The following HIVEP3 variants were observed in gnomAD, a reference collection of about 807,000 sequenced individuals.
HIVEP3 encodes the protein transcription factor HIVEP3.
A neutral mutation model predicts 152.8 loss-of-function variants in HIVEP3; 49 were observed. The ratio of observed to expected loss-of-function variants is 0.32; its 90% CI spans 0.26 to 0.41. The LOEUF is 0.41. HIVEP3 is among the 10% of genes least tolerant of loss of function. The pLI, the probability that HIVEP3 is intolerant of heterozygous loss-of-function variation, is 1.00. For synonymous variants in HIVEP3, 1,269 were observed against 1,289.0 expected, an observed-to-expected ratio of 0.98 and a Z score of 0.33; for missense variants, 2,790 against 3,103.3, an observed-to-expected ratio of 0.90 and a Z score of 2.40.
At chr1:41,626,465 C>T (rs1442123699) in intron 3 of HIVEP3, among the ~76,000 whole-genome samples, 1 of 152,204 alleles carries the variant, frequency 6.6e-6, no homozygotes, top group Non-Finnish European at 1.5e-5. Flanking sequence ...GCTGGCTGAG[C>T]CCACACGGAC....
chr1:41,991,721 T>C (rs2124517289), intron 1 of HIVEP3, among the ~76,000 whole-genome samples: 1 of 150,950 alleles, frequency 6.6e-6, no homozygotes, highest in East Asian at 1.9e-4. Context: ...ACCAATATCC[T>C]TGATGAACAT....
At chr1:41,667,401 C>T (rs1023554274) in intron 2 of HIVEP3, among the ~76,000 whole-genome samples, 1 of 152,244 alleles carries the variant, frequency 6.6e-6, no homozygotes, top group Admixed American at 6.5e-5. Flanking sequence ...CTGAGACTGC[C>T]TCATTCTGGC....
At chr1:41,688,202 A>T (rs184613828) in intron 2 of HIVEP3, among the ~76,000 whole-genome samples, 27 of 151,370 alleles carry the variant, frequency 1.8e-4, no homozygotes, top group African/African-American at 9.8e-5. Flanking sequence ...CTCTCGTCTG[A>T]CCCCTTCTGT....
At chr1:41,916,597 C>A (rs969681690) in intron 1 of HIVEP3, among the ~76,000 whole-genome samples, 14 of 152,298 alleles carry the variant, frequency 9.2e-5, no homozygotes, top group African/African-American at 2.9e-4. Flanking sequence ...AAAACTCCCA[C>A]AATCTTTAAA....
intron 2 of HIVEP3, among the ~76,000 whole-genome samples, chr1:41,695,531 A>C (rs1646259959): frequency 6.6e-6 from 1 of 152,204 alleles, no homozygotes; most frequent in Non-Finnish European, 1.5e-5. Flanking sequence ...TGCTTCATGC[A>C]GCTCCATTCC....
intron 1 of HIVEP3, among the ~76,000 whole-genome samples, chr1:41,761,990 C>G (rs748614896): frequency 3.3e-5 from 5 of 152,218 alleles, no homozygotes; most frequent in Non-Finnish European, 5.9e-5. Context: ...ATTTGGCGTG[C>G]TTTCCTCTGA....
At position 41,558,199 on chromosome 1, in the gene HIVEP3, C is replaced by T. The variant is rs988318567; in HGVS notation, c.5207+17345G>A. ...TCCTCAGGAGAGGGATGATGCCCCC[C>T]GGCCCAGGCAGCATTGGGAACATTG... On this transcript the variant is annotated intron_variant, in intron 5 of 8. Transcript: ENST00000372583. 2.6e-5 allele frequency among the ~76,000 whole-genome samples: 4 copies of T among 152,284 alleles called. No individual in the cohort carries two copies. The East Asian group carries it at 5.8e-4, about 22-fold the overall frequency.
intron 3 of HIVEP3, among the ~76,000 whole-genome samples, chr1:41,621,060 C>T (rs1645040247): frequency 6.6e-6 from 1 of 152,200 alleles, no homozygotes; most frequent in African/African-American, 2.4e-5. Context: ...CTTGGGTGTT[C>T]CCAATTGCCC....
chr1:41,555,758 A>C (rs1287448415), intron 5 of HIVEP3, among the ~76,000 whole-genome samples: 19 of 152,152 alleles, frequency 1.2e-4, no homozygotes, highest in Admixed American at 1.2e-3. Flanking sequence ...TCCAAACGGA[A>C]ACTTTGTATC....
intron 3 of HIVEP3, among the ~76,000 whole-genome samples, chr1:41,606,990 T>A (rs916744200): frequency 3.3e-5 from 5 of 152,096 alleles, no homozygotes; most frequent in East Asian, 1.9e-4. Context: ...CTTTTTTTTT[T>A]ATTTTTATTT....
At chr1:41,684,731 C>T (rs1227173124) in intron 2 of HIVEP3, among the ~76,000 whole-genome samples, 1 of 152,196 alleles carries the variant, frequency 6.6e-6, no homozygotes, top group African/African-American at 2.4e-5. Flanking sequence ...AGATAATGGC[C>T]AGCCGCAGAC....
rs573824475 is a variant in HIVEP3 at position 41,699,093 on chromosome 1, C to A, written c.-721+1823G>T. Among the ~76,000 whole-genome samples the A allele has an allele frequency of 3.3e-5, 5 of 152,382 alleles. No individual in the cohort carries two copies. In the South Asian group the frequency reaches 1.0e-3, roughly 32 times the overall value. ...ACTCACAGGTGGCTCTAGGCCAGCC[C>A]TGCCCATCAGTTGCCACTCACTCCA... On this transcript the variant is annotated intron_variant, in intron 2 of 8. Coordinates refer to ENST00000372583, the MANE Select transcript of HIVEP3 (RefSeq NM_024503.5).
intron 2 of HIVEP3, among the ~76,000 whole-genome samples, chr1:41,646,145 G>T (rs990874194): frequency 1.3e-5 from 2 of 152,142 alleles, no homozygotes; most frequent in African/African-American, 4.8e-5. Context: ...TTTACTCCTG[G>T]GCTGTATCTC....
In HIVEP3 at chr1:41,931,945, T is replaced by C. The variant is rs567801482; in HGVS notation, n.120-13421A>G. ...TTTTAAATCTTTTTGCCTTTTTTTT[T>C]CTTGCCTTATTGTACTATAGGACTT... On this transcript the variant is annotated intron_variant and non_coding_transcript_variant, in intron 1 of 3. Transcript: ENST00000489103. Among the ~76,000 whole-genome samples, 203 of 152,072 alleles carry C rather than the reference T, an allele frequency of 1.3e-3. 2 individuals are homozygous for C. The highest frequency in any genetic ancestry group is 4.7e-3 in the African/African-American group (196 of 41,546).
At chr1:41,677,649 G>A (rs1645977051) in intron 2 of HIVEP3, among the ~76,000 whole-genome samples, 1 of 152,218 alleles carries the variant, frequency 6.6e-6, no homozygotes, top group African/African-American at 2.4e-5. Context: ...GTTGGCCATG[G>A]GGAAAAGAAG....
intron 2 of HIVEP3, among the ~76,000 whole-genome samples, chr1:41,659,951 T>C (rs369183970): frequency 1.3e-5 from 2 of 152,186 alleles, no homozygotes; most frequent in African/African-American, 2.4e-5. Context: ...ATGGGATGAA[T>C]GTGTGTGTGT....
chr1:41,525,773 G>A (rs1642882533), intron 5 of HIVEP3, among the ~76,000 whole-genome samples: 1 of 152,154 alleles, frequency 6.6e-6, no homozygotes, highest in South Asian at 2.1e-4. Flanking sequence ...TCCCACATGC[G>A]CAACAGGATC....
chr1:41,717,769 G>A (rs943637248), intron 1 of HIVEP3, among the ~76,000 whole-genome samples: 2 of 152,188 alleles, frequency 1.3e-5, no homozygotes, highest in African/African-American at 4.8e-5. Context: ...TCCAGGGGTC[G>A]CCCACCATAT....
chr1:41,734,393 T>C (rs557340717), intron 1 of HIVEP3, among the ~76,000 whole-genome samples: 3 of 152,246 alleles, frequency 2.0e-5, no homozygotes, highest in Non-Finnish European at 4.4e-5. Flanking sequence ...AGGCGAGAGA[T>C]AGACATACAT....
Sources: gnomAD v4.1 joint callset for allele counts (sites outside exome capture counted in the v4.1 genomes callset) on GRCh38, gnomAD v4.1.1 for gene constraint, MANE v1.5 for transcripts, NCBI Gene and HGNC (gene_info 2026-07-23, HGNC 2026-07-21) for gene names.